Variants in PAM observed in about 807,000 individuals in gnomAD.
PAM encodes peptidyl-glycine alpha-amidating monooxygenase.
Under a neutral mutation model 122.1 loss-of-function variants are expected in PAM, and 72 were observed. That is an observed-to-expected ratio of 0.59 (90% CI 0.49 to 0.72). The LOEUF is 0.72. PAM is among the 30% of genes least tolerant of loss of function. The probability of loss-of-function intolerance (pLI) is 0.00; values close to 1 mark genes in which losing one functional copy is unlikely to be tolerated. For missense variants in PAM, 1,106 were observed against 1,183.7 expected, an observed-to-expected ratio of 0.93 and a Z score of 0.96; for synonymous variants, 389 against 404.4, an observed-to-expected ratio of 0.96 and a Z score of 0.46.
At chr5:102,938,747 A>T (rs913402029) in intron 7 of PAM, among the ~76,000 whole-genome samples, 1 of 152,182 alleles carries the variant, frequency 6.6e-6, no homozygotes, top group African/African-American at 2.4e-5. Flanking sequence ...AAGAGGAGAA[A>T]TAAAGTCACT....
At chr5:102,868,575 G>A (rs982276372) in intron 3 of PAM, among the ~76,000 whole-genome samples, 1 of 152,172 alleles carries the variant, frequency 6.6e-6, no homozygotes, top group African/African-American at 2.4e-5. Flanking sequence ...AGTGTAATGA[G>A]ATTGAGACTA....
At chr5:102,982,243 G>A (rs186244111) in intron 15 of PAM, among the ~76,000 whole-genome samples, 12 of 152,284 alleles carry the variant, frequency 7.9e-5, no homozygotes, top group East Asian at 1.9e-4. Flanking sequence ...GCCACAGGGG[G>A]GCCTGAGGAC....
chr5:102,888,931 A>G (rs957213771), intron 3 of PAM, among the ~76,000 whole-genome samples: 7 of 152,130 alleles, frequency 4.6e-5, no homozygotes, highest in African/African-American at 1.7e-4. Context: ...TAGAATGCAA[A>G]CATTAACTAA....
intron 7 of PAM, among the ~76,000 whole-genome samples, chr5:102,936,811 T>C (rs2151855888): frequency 6.6e-6 from 1 of 152,262 alleles, no homozygotes; most frequent in African/African-American, 2.4e-5. Context: ...TCTGAAATTT[T>C]AACAACCTGC....
chr5:102,874,740 A>AT (rs1192194389), intron 3 of PAM, among the ~76,000 whole-genome samples: 1 of 151,542 alleles, frequency 6.6e-6, no homozygotes, highest in African/African-American at 2.4e-5. Context: ...TTTGCTTTTT[A>AT]TTTTTTTTCC....
At chr5:102,920,326 C>T (rs1012585742) in intron 5 of PAM, among the ~76,000 whole-genome samples, 2 of 152,006 alleles carry the variant, frequency 1.3e-5, no homozygotes, top group African/African-American at 4.8e-5. Context: ...ATGTGCCAAG[C>T]ACTTTGTTGG....
At chr5:102,994,238 A>C (rs1395803803) in intron 16 of PAM, among the ~76,000 whole-genome samples, 1 of 152,136 alleles carries the variant, frequency 6.6e-6, no homozygotes, top group Non-Finnish European at 1.5e-5. Flanking sequence ...CATGCTTTCC[A>C]ATTATGGGAC....
intron 1 of PAM, among the ~76,000 whole-genome samples, chr5:102,855,230 T>G (rs1174799415): frequency 6.6e-6 from 1 of 152,186 alleles, no homozygotes; most frequent in Non-Finnish European, 1.5e-5. Flanking sequence ...GTTTTGACAT[T>G]CTTTGATGAT....
Position 102,942,710 on chromosome 5 carries a change from C to G in PAM, c.527-4127C>G, listed in dbSNP as rs1010457003. On this transcript the variant is annotated intron_variant, in intron 7 of 25. Transcript: ENST00000438793. ...CAATCCTCACAAGTAGCTGGGGCTA[C>G]AGTCACACGCCAGCATGCCCGGCTA... Among the ~76,000 whole-genome samples, 7 of 150,456 alleles carry G rather than the reference C, an allele frequency of 4.7e-5. No homozygotes were observed. In the East Asian group the frequency reaches 1.4e-3, roughly 30 times the overall value.
chr5:102,990,485 G>C, intron 16 of PAM, 84 bp downstream of exon 16: 1 of 1,021,992 alleles, frequency 9.8e-7, no homozygotes, highest in Admixed American at 2.8e-5. Context: ...ATAATGGTGA[G>C]AGAACTATAA....
chr5:102,932,027 G>A (rs1210969849), intron 7 of PAM, among the ~76,000 whole-genome samples: 1 of 152,012 alleles, frequency 6.6e-6, no homozygotes, highest in Non-Finnish European at 1.5e-5. Context: ...TAAGCTCTAA[G>A]AAGTTTCATC....
intron 13 of PAM, 23 bp downstream of exon 13, chr5:102,960,082 A>C: frequency 7.8e-7 from 1 of 1,282,624 alleles, no homozygotes; most frequent in Non-Finnish European, 1.1e-6. Context: ...GTTTAATATA[A>C]AGTAATATAT....
intron 1 of PAM, among the ~76,000 whole-genome samples, chr5:102,857,466 C>A (rs1782947105): frequency 6.6e-6 from 1 of 152,162 alleles, no homozygotes; most frequent in South Asian, 2.1e-4. Flanking sequence ...CAAACCAAAT[C>A]TTCTTTTGGA....
intron 2 of PAM, 149 bp downstream of exon 2, chr5:102,866,433 C>A: frequency 1.6e-6 from 1 of 634,082 alleles, no homozygotes; most frequent in Non-Finnish European, 2.9e-6. Context: ...TGTGAAGTCC[C>A]CCGTGCAGAA....
chr5:102,924,492 C>CCACTG (rs1166690862), intron 5 of PAM, among the ~76,000 whole-genome samples: 2 of 151,870 alleles, frequency 1.3e-5, no homozygotes, highest in African/African-American at 4.8e-5. Context: ...ATTGCTCACC[C>CCACTG]CACTGATGGT....
chr5:102,950,713 G>A lies in PAM; in HGVS notation c.802-4G>A, dbSNP rs758941417. On this transcript the variant is annotated splice_region_variant and splice_polypyrimidine_tract_variant and intron_variant, in intron 11 of 25. Transcript: ENST00000438793. ...ATGATTCATTGTGTTTGTCTTTTTGGTAGGCTTTCTACCCTGTGGGGCATC... is the reference window on the plus strand; with the variant it reads ...ATGATTCATTGTGTTTGTCTTTTTGATAGGCTTTCTACCCTGTGGGGCATC... 7.9e-5 allele frequency: 124 copies of A among 1,572,070 alleles called. No individual in the cohort carries two copies. The highest frequency in any genetic ancestry group is 9.5e-5 in the Non-Finnish European group (109 of 1,143,752).
Position 102,919,934 on chromosome 5 carries a change from G to A in PAM, c.357-5023G>A, listed in dbSNP as rs77166355. Among the ~76,000 whole-genome samples, 1,013 of 152,184 alleles carry A rather than the reference G, an allele frequency of 6.7e-3. 8 individuals are homozygous for A. The highest frequency in any genetic ancestry group is 0.012 in the Non-Finnish European group (844 of 67,966). On this transcript the variant is annotated intron_variant, in intron 5 of 25. Coordinates refer to ENST00000438793, the MANE Select transcript of PAM (RefSeq NM_001177306.2). ...AACTTTAATAAAATAGAATGTTACA[G>A]TTGGAACCCTTTTGACTGTTTCAAC...
At chr5:102,776,895 A>C (rs987176864) in intron 1 of PAM, among the ~76,000 whole-genome samples, 3 of 151,872 alleles carry the variant, frequency 2.0e-5, no homozygotes, top group Non-Finnish European at 4.4e-5. Context: ...TTTCATATTT[A>C]GTGGTGTTTT....
intron 1 of PAM, among the ~76,000 whole-genome samples, chr5:102,814,118 C>T (rs1768836626): frequency 6.6e-6 from 1 of 152,144 alleles, no homozygotes; most frequent in South Asian, 2.1e-4. Context: ...GCCAAGGGTG[C>T]ATGAGGGGAT....
Sources: gnomAD v4.1 joint callset for allele counts (sites outside exome capture counted in the v4.1 genomes callset) on GRCh38, gnomAD v4.1.1 for gene constraint, MANE v1.5 for transcripts, NCBI Gene and HGNC (gene_info 2026-07-23, HGNC 2026-07-21) for gene names.